Variants in TLK2 observed in about 807,000 individuals in gnomAD.
The protein encoded by TLK2 is serine/threonine-protein kinase tousled-like 2.
TLK2 carries 6 observed loss-of-function variants against 117.3 expected under a neutral mutation model. That is an observed-to-expected ratio of 0.05 (90% CI 0.03 to 0.10). The LOEUF is 0.10. Ranked by LOEUF, TLK2 falls within the 10% of genes least tolerant of loss-of-function variation. The pLI is 1.00. For missense variants in TLK2, 299 were observed against 901.2 expected (o/e 0.33, Z 8.56); for synonymous variants, 257 against 316.7 (o/e 0.81, Z 2.00).
At chr17:62,564,750 C>G (rs1471424365) in intron 10 of TLK2, among the ~76,000 whole-genome samples, 1 of 151,392 alleles carries the variant, frequency 6.6e-6, no homozygotes, top group Non-Finnish European at 1.5e-5. Flanking sequence ...AAACAAAAAA[C>G]CCCACACACA....
At chr17:62,547,460 A>G (rs1468262319) in intron 7 of TLK2, among the ~76,000 whole-genome samples, 3 of 151,038 alleles carry the variant, frequency 2.0e-5, no homozygotes, top group African/African-American at 7.3e-5. Context: ...CAGTTACAGC[A>G]TTTTTTTCTC....
intron 2 of TLK2, among the ~76,000 whole-genome samples, chr17:62,513,552 T>G (rs1237610995): frequency 6.6e-6 from 1 of 152,110 alleles, no homozygotes; most frequent in Admixed American, 6.6e-5. Context: ...CTCAAACTCC[T>G]GGGCTCAAGT....
chr17:62,573,517 T>A, intron 12 of TLK2, 150 bp downstream of exon 12: 1 of 1,085,754 alleles, frequency 9.2e-7, no homozygotes, highest in Non-Finnish European at 1.3e-6. Flanking sequence ...TCAACTCATA[T>A]AAATGCCATA....
Position 62,471,888 on chromosome 17 carries a change from CTTTTTTTTTTTTT to C in TLK2, c.-205+827_-205+839del, listed in dbSNP as rs869092720. Among the ~76,000 whole-genome samples the C allele has an allele frequency of 2.4e-4, 9 of 37,778 alleles. No homozygotes were observed. The East Asian group carries it at 3.7e-3, about 16-fold the overall frequency. The allele number at this position is 37,778 out of a possible 152,430, so 24.8% of individuals were successfully genotyped here. On this transcript the variant is annotated intron_variant, in intron 1 of 4. Coordinates refer to the TLK2 transcript ENST00000579450. ...GGCATGGAAGATTAGGTAGTATAGT[CTTTTTTTTTTTTT>C]TTTTTTTTTTTTTTTTAGACAGAGT...
chr17:62,483,739 A>G (rs1457914042), intron 2 of TLK2, among the ~76,000 whole-genome samples: 1 of 152,072 alleles, frequency 6.6e-6, no homozygotes, highest in African/African-American at 2.4e-5. Context: ...CTGACCTCAA[A>G]TGATCCACCT....
rs544900638 is a variant in TLK2 at position 62,505,407 on chromosome 17, ATTTTT to A, written c.82-15344_82-15340del. Among the ~76,000 whole-genome samples the A allele has an allele frequency of 2.0e-3, 108 of 53,766 alleles. 1 individual carries two copies. Among genetic ancestry groups the A allele is most frequent in the African/African-American group, 6.7e-3 (73 of 10,816 alleles). The allele number at this position is 53,766 out of a possible 152,430, so 35.3% of individuals were successfully genotyped here. ...TACAGTCATGCACTACCATACCCAG[ATTTTT>A]TTTTTTTTTTTTTTTTTTTTTGGTA... On this transcript the variant is annotated intron_variant, in intron 2 of 21. Coordinates refer to ENST00000346027, the MANE Select transcript of TLK2 (RefSeq NM_006852.6).
upstream of TLK2, among the ~76,000 whole-genome samples, chr17:62,474,989 T>C (rs978982860): frequency 4.6e-5 from 7 of 152,174 alleles, no homozygotes; most frequent in Non-Finnish European, 7.3e-5. Flanking sequence ...GAGGTTGCAG[T>C]GAGCAGAGAT....
chr17:62,608,532 T>TA (rs2083479835), intron 21 of TLK2, among the ~76,000 whole-genome samples: 1 of 152,206 alleles, frequency 6.6e-6, no homozygotes, highest in East Asian at 1.9e-4. Flanking sequence ...GGAGAAATTA[T>TA]ATAAGAGTAC....
At chr17:62,543,085 T>G (rs1441772489) in intron 7 of TLK2, among the ~76,000 whole-genome samples, 1 of 152,226 alleles carries the variant, frequency 6.6e-6, no homozygotes. Context: ...TAATTACTAA[T>G]GAGGCTTTTA....
chr17:62,544,730 G>A (rs2077779027), intron 7 of TLK2, among the ~76,000 whole-genome samples: 1 of 152,118 alleles, frequency 6.6e-6, no homozygotes, highest in Non-Finnish European at 1.5e-5. Flanking sequence ...CATCCTTTCA[G>A]TTTCTATAAA....
At chr17:62,520,901 G>C in intron 3 of TLK2, 57 bp downstream of exon 3, 1 of 1,589,600 alleles carries the variant, frequency 6.3e-7, no homozygotes, top group Non-Finnish European at 8.6e-7. Flanking sequence ...GGCCAGGTTT[G>C]GTGGCTCAAG....
intron 16 of TLK2, among the ~76,000 whole-genome samples, chr17:62,588,344 G>T (rs1345410313): frequency 5.3e-5 from 8 of 152,162 alleles, no homozygotes; most frequent in Non-Finnish European, 1.2e-4. Flanking sequence ...GCCGGGCCTT[G>T]TCCCTCCTTC....
At chr17:62,563,566 C>T (rs1043299908) in intron 10 of TLK2, among the ~76,000 whole-genome samples, 1 of 152,244 alleles carries the variant, frequency 6.6e-6, no homozygotes, top group East Asian at 1.9e-4. Context: ...TATAAATTGC[C>T]TGTTGGTTGA....
intron 6 of TLK2, among the ~76,000 whole-genome samples, chr17:62,531,787 G>A (rs1010749322): frequency 2.0e-5 from 3 of 152,078 alleles, no homozygotes; most frequent in African/African-American, 7.2e-5. Context: ...CAACTGCTAG[G>A]AAATATTGAT....
chr17:62,536,657 G>A (rs919226600), intron 7 of TLK2, among the ~76,000 whole-genome samples: 20 of 151,896 alleles, frequency 1.3e-4, no homozygotes, highest in Admixed American at 7.9e-4. Context: ...TAGTAACCAA[G>A]ATATAATTAA....
chr17:62,598,186 C>A (rs2082618645), intron 17 of TLK2, among the ~76,000 whole-genome samples: 1 of 152,164 alleles, frequency 6.6e-6, no homozygotes, highest in Non-Finnish European at 1.5e-5. Context: ...GATTGGGAAA[C>A]AAGGGGCGGG....
At chr17:62,607,364 CAA>C (rs869138705) in intron 20 of TLK2, among the ~76,000 whole-genome samples, 4 of 129,670 alleles carry the variant, frequency 3.1e-5, no homozygotes, top group Admixed American at 7.8e-5. Context: ...CTAAAATTAC[CAA>C]AAAAAAAAAA....
chr17:62,501,366 TGAC>T (rs1223004350), intron 2 of TLK2, among the ~76,000 whole-genome samples: 1 of 152,174 alleles, frequency 6.6e-6, no homozygotes, highest in Non-Finnish European at 1.5e-5. Context: ...CTAAAATCAG[TGAC>T]CTAACATTTT....
chr17:62,532,106 A>G (rs1427986103), intron 6 of TLK2, among the ~76,000 whole-genome samples: 1 of 151,986 alleles, frequency 6.6e-6, no homozygotes, highest in Non-Finnish European at 1.5e-5. Flanking sequence ...TATGTTCCTA[A>G]TTTCCCTTAG....
Sources: gnomAD v4.1 joint callset for allele counts (sites outside exome capture counted in the v4.1 genomes callset) on GRCh38, gnomAD v4.1.1 for gene constraint, MANE v1.5 for transcripts, NCBI Gene and HGNC (gene_info 2026-07-23, HGNC 2026-07-21) for gene names.